KDM4C: variants seen among roughly 807,000 people sequenced by gnomAD.
The protein encoded by KDM4C is lysine-specific demethylase 4C.
In KDM4C, 81 loss-of-function variants were observed where a neutral mutation model predicts 129.3. The observed-to-expected ratio is 0.63, with a 90% CI of 0.52 to 0.75. The LOEUF (loss-of-function observed/expected upper bound fraction) is 0.75, where lower values mean the gene tolerates loss of function less well. Ranked by LOEUF, KDM4C falls within the 30% of genes least tolerant of loss-of-function variation. The pLI is 0.00. For missense variants in KDM4C, 1,457 were observed against 1,304.0 expected (o/e 1.12, Z -1.81); for synonymous variants, 573 against 456.1 (o/e 1.26, Z -3.26).
intron 5 of KDM4C, among the ~76,000 whole-genome samples, chr9:6,869,971 A>G (rs1020498427): frequency 6.6e-6 from 1 of 152,246 alleles, no homozygotes; most frequent in Non-Finnish European, 1.5e-5. Context: ...TGTTAGCACC[A>G]TAAGTAATGT....
intron 3 of KDM4C, among the ~76,000 whole-genome samples, chr9:6,807,795 G>GT (rs1191553461): frequency 1.3e-5 from 2 of 149,210 alleles, no homozygotes; most frequent in African/African-American, 2.5e-5. Context: ...GGAGGTGGGG[G>GT]GGGGGTCAGC....
At chr9:7,130,146 T>G (rs1046933733) in intron 19 of KDM4C, among the ~76,000 whole-genome samples, 5 of 152,190 alleles carry the variant, frequency 3.3e-5, no homozygotes, top group African/African-American at 1.2e-4. Flanking sequence ...TTGTGAAGAC[T>G]GTGAATATTG....
chr9:7,126,763 T>C (rs557251066), intron 18 of KDM4C, among the ~76,000 whole-genome samples: 2 of 151,914 alleles, frequency 1.3e-5, no homozygotes, highest in Non-Finnish European at 2.9e-5. Flanking sequence ...CCCTCTAAAC[T>C]GAACCATACT....
intron 17 of KDM4C, among the ~76,000 whole-genome samples, chr9:7,058,085 T>G (rs967286243): frequency 6.6e-6 from 1 of 152,190 alleles, no homozygotes; most frequent in Admixed American, 6.5e-5. Context: ...CTCCACCTTC[T>G]TGTAGAGGAA....
intron 5 of KDM4C, among the ~76,000 whole-genome samples, chr9:6,868,702 G>A (rs1051380052): frequency 2.6e-5 from 4 of 151,838 alleles, no homozygotes; most frequent in African/African-American, 7.3e-5. Context: ...TCCCCTCCAC[G>A]TATTTTTGAT....
intron 19 of KDM4C, among the ~76,000 whole-genome samples, chr9:7,143,036 T>G (rs968888584): frequency 6.6e-6 from 1 of 152,158 alleles, no homozygotes; most frequent in African/African-American, 2.4e-5. Context: ...TTCCTCTACC[T>G]CCTTACCTAC....
chr9:7,135,413 C>T (rs1269250076), intron 19 of KDM4C, among the ~76,000 whole-genome samples: 2 of 152,156 alleles, frequency 1.3e-5, no homozygotes, highest in Admixed American at 1.3e-4. Context: ...TATAGCATTT[C>T]ATCTTCAGCC....
At chr9:6,938,151 C>G (rs906595142) in intron 8 of KDM4C, among the ~76,000 whole-genome samples, 3 of 152,092 alleles carry the variant, frequency 2.0e-5, no homozygotes, top group East Asian at 3.8e-4. Flanking sequence ...CTGCACTGCC[C>G]TCCTCCAGCC....
At chr9:6,946,337 C>T (rs1472952173) in intron 8 of KDM4C, among the ~76,000 whole-genome samples, 1 of 152,086 alleles carries the variant, frequency 6.6e-6, no homozygotes. Context: ...ACCTCCGTGA[C>T]ATTTTTCTTT....
intron 1 of KDM4C, among the ~76,000 whole-genome samples, chr9:6,737,664 C>CAAAA (rs34608889): frequency 9.9e-4 from 47 of 47,416 alleles, no homozygotes; most frequent in African/African-American, 2.2e-3. Flanking sequence ...GACTTCATCT[C>CAAAA]AAAAAAAAAA....
chr9:7,057,834 A>G (rs1317212802), intron 17 of KDM4C, among the ~76,000 whole-genome samples: 1 of 152,164 alleles, frequency 6.6e-6, no homozygotes, highest in Non-Finnish European at 1.5e-5. Context: ...ATTGCTGAAA[A>G]CCGTAAGATG....
At chr9:7,035,669 G>A (rs142577014) in intron 15 of KDM4C, among the ~76,000 whole-genome samples, 120 of 152,204 alleles carry the variant, frequency 7.9e-4, no homozygotes, top group Middle Eastern at 6.8e-3. Flanking sequence ...TGTATAGGGT[G>A]AGAAGTGGGA....
chr9:6,723,649 A>T (rs1457930690), intron 1 of KDM4C: 2 of 150,892 alleles, frequency 1.3e-5, no homozygotes, highest in African/African-American at 2.5e-5. Flanking sequence ...AAAAAAAAAA[A>T]ATTGGGGACT....
chr9:6,843,159 C>T (rs1479547451), intron 4 of KDM4C, among the ~76,000 whole-genome samples: 2 of 152,144 alleles, frequency 1.3e-5, no homozygotes, highest in Non-Finnish European at 2.9e-5. Context: ...GAACTCCTGA[C>T]CTCAGGTGAT....
intron 2 of KDM4C, among the ~76,000 whole-genome samples, chr9:6,796,094 C>T (rs1032173991): frequency 6.6e-6 from 1 of 152,176 alleles, no homozygotes; most frequent in Non-Finnish European, 1.5e-5. Flanking sequence ...TTCGTAATGA[C>T]TTTCTCAGAT....
chr9:7,017,260 A>G (rs543718240), intron 15 of KDM4C, among the ~76,000 whole-genome samples: 1 of 152,260 alleles, frequency 6.6e-6, no homozygotes, highest in Non-Finnish European at 1.5e-5. Context: ...TTCAACTAGC[A>G]TGAGGTCTTT....
chr9:6,857,935 T>G (rs1840177763), intron 5 of KDM4C, among the ~76,000 whole-genome samples: 1 of 148,644 alleles, frequency 6.7e-6, no homozygotes, highest in South Asian at 2.1e-4. Context: ...TTTTTTTTTT[T>G]TTTTTTTTTT....
intron 7 of KDM4C, among the ~76,000 whole-genome samples, chr9:6,892,353 C>T (rs932618773): frequency 2.0e-5 from 3 of 151,986 alleles, no homozygotes; most frequent in African/African-American, 4.8e-5. Context: ...CATTTTTCTT[C>T]ACTTTTTCTG....
intron 17 of KDM4C, among the ~76,000 whole-genome samples, chr9:7,058,263 T>G (rs4742294): frequency 0.77 from 117,809 of 152,122 alleles, 45,816 homozygotes; most frequent in African/African-American, 0.82. Flanking sequence ...GTGATCAGCA[T>G]ACTGTTTCCA....
Sources: gnomAD v4.1 joint callset for allele counts (sites outside exome capture counted in the v4.1 genomes callset) on GRCh38, gnomAD v4.1.1 for gene constraint, MANE v1.5 for transcripts, NCBI Gene and HGNC (gene_info 2026-07-23, HGNC 2026-07-21) for gene names.